Variants in DDX51 observed in about 807,000 individuals in gnomAD.
DDX51 encodes DEAD-box helicase 51, also known as ATP-dependent RNA helicase DDX51.
A neutral mutation model predicts 74.6 loss-of-function variants in DDX51; 67 were observed. The observed-to-expected ratio is 0.90, with a 90% CI of 0.74 to 1.10. DDX51 has a LOEUF of 1.10. Ranked by LOEUF, DDX51 falls within the 50% of genes least tolerant of loss-of-function variation. DDX51 has a pLI of 0.00. For synonymous variants in DDX51, 545 were observed against 402.9 expected (o/e 1.35, Z -4.22); for missense variants, 1,056 against 905.2 (o/e 1.17, Z -2.14).
chr12:132,139,700 T>C lies in DDX51; in HGVS notation c.1909A>G (p.Lys637Glu). 6.2e-7 allele frequency: 1 copy of C among 1,613,020 alleles called. No individual in the cohort carries two copies. The highest frequency in any genetic ancestry group is 8.5e-7 in the Non-Finnish European group (1 of 1,180,010). ...PELQRHELSS[K>E]LLQPLVPRYE... is the part of the protein sequence containing the mutation. ...CGAGGAACCAGCGGCTGCAGCAGCTTGCTGGAGAGCTCGTGCCGCTGCAAC... is the reference window on the plus strand; with the variant it reads ...CGAGGAACCAGCGGCTGCAGCAGCTCGCTGGAGAGCTCGTGCCGCTGCAAC... The change falls in exon 14 of 15, where the codon AAG (lysine) becomes GAG (glutamate). Residue 637 changes from lysine (K) to glutamate (E), a missense_variant. Coordinates refer to ENST00000397333, the MANE Select transcript of DDX51 (RefSeq NM_175066.4).
At position 132,140,470 on chromosome 12, in the gene DDX51, G is replaced by T. The variant is rs761546704; in HGVS notation, c.1626C>A (p.Gly542=). The change falls in exon 11 of 15, where the codon GGC becomes GGA. Residue 542 remains glycine, a synonymous_variant. Coordinates refer to ENST00000397333, the MANE Select transcript of DDX51 (RefSeq NM_175066.4). ...ACTGCTTCAGGATCATCCTCCTCTG[G>T]CCAGGCCCGTAGCGCGAGGAGAACT... The part of the protein sequence containing the change: ...VAEFSSRYGP[G]QRRMILKQFE... The T allele has an allele frequency of 1.9e-6, 3 of 1,613,132 alleles. No individual in the cohort carries two copies. The highest frequency in any genetic ancestry group is 1.3e-5 in the African/African-American group (1 of 74,928).
Position 132,142,194 on chromosome 12 carries a change from A to T in DDX51, c.817-4T>A. The T allele has an allele frequency of 5.7e-6, 9 of 1,571,122 alleles. No individual in the cohort carries two copies. The highest frequency in any genetic ancestry group is 7.8e-6 in the Non-Finnish European group (9 of 1,156,834). On this transcript the variant is annotated splice_polypyrimidine_tract_variant and splice_region_variant and intron_variant, in intron 4 of 14. Coordinates refer to ENST00000397333, the MANE Select transcript of DDX51 (RefSeq NM_175066.4). The stretch of plus-strand genomic sequence containing the variant: ...AGACCACTCTCGAAAGCAGGGCCTG[A>T]GGGGGAAGGAGCGCCTGCGTCAGCA...
In DDX51 at chr12:132,144,061, G is replaced by C. The variant is rs1389401661; in HGVS notation, c.236C>G (p.Ala79Gly). The change falls in exon 1 of 15, where the codon GCG becomes GGG. Residue 79 changes from alanine (A) to glycine (G), a missense_variant. Coordinates refer to ENST00000397333, the MANE Select transcript of DDX51 (RefSeq NM_175066.4). ...RPRRRRRVNDAEPGSPEAPQG... is the reference protein window; with the variant it reads ...RPRRRRRVNDGEPGSPEAPQG... ...CGGCGCCTCCGGGCTCCCCGGCTCC[G>C]CGTCGTTCACCCGCCGCCGCCGCCG... 1 of 1,270,846 alleles carries C rather than the reference G, an allele frequency of 7.9e-7. No individual in the cohort carries two copies. The highest frequency in any genetic ancestry group is 1.6e-5 in the African/African-American group (1 of 64,214). 78.7% of individuals were successfully genotyped at this position (1,270,846 alleles called of 1,614,324 possible). A position where few individuals can be genotyped will look rare whatever the true frequency, so the allele number is the denominator to read the frequency against.
Position 132,140,201 on chromosome 12 carries a change from T to C in DDX51, c.1674-2A>G. 6.2e-7 allele frequency: 1 copy of C among 1,611,382 alleles called. No homozygotes were observed. The highest frequency in any genetic ancestry group is 1.3e-5 in the African/African-American group (1 of 75,008). ...GCGGTGGCGTCCGTGCTGATGAGCC[T>C]GCCGGGACACGCAGCATTGTGGGCC... On this transcript the variant is annotated splice_acceptor_variant, in intron 11 of 14. Transcript: ENST00000397333. LOFTEE classifies it high-confidence loss of function.
Position 132,139,279 on chromosome 12 carries a change from G to A in DDX51, c.1994C>T (p.Ala665Val), listed in dbSNP as rs768478997. 52 of 1,608,256 alleles carry A rather than the reference G, an allele frequency of 3.2e-5. No individual in the cohort carries two copies. The highest frequency in any genetic ancestry group is 2.0e-4 in the East Asian group (9 of 44,728). ...GGCCCTCTGAGCCCCAGCCTAGGCC[G>A]CCCTCTGCTTGCGCTCTTCCTGTGG... ...ESVKEERKQR[A>V]A The change falls in exon 15 of 15, where the codon GCG becomes GTG. Residue 665 changes from alanine (A) to valine (V), a missense_variant. Physicochemically the swap from Ala to Val is moderately conservative, Grantham distance 64. Coordinates refer to ENST00000397333, the MANE Select transcript of DDX51 (RefSeq NM_175066.4).
chr12:132,136,996 G>A lies in DDX51; in HGVS notation c.*2276C>T, dbSNP rs1383483154. The stretch of plus-strand genomic sequence containing the variant: ...GTTTTTACAAATGGGCTAGTGACGA[G>A]GGGTTAGAGGAGGGATGTCTTGTCC... On this transcript the variant is annotated 3_prime_UTR_variant, in exon 15 of 15. Transcript: ENST00000397333. 1 of 152,254 alleles carries A rather than the reference G, an allele frequency of 6.6e-6. No individual in the cohort carries two copies. Among genetic ancestry groups the A allele is most frequent in the African/African-American group, 2.4e-5 (1 of 41,436 alleles). The allele number at this position is 152,254 out of a possible 1,614,324, so 9.4% of individuals were successfully genotyped here.
At position 132,138,186 on chromosome 12, in the gene DDX51, AG is replaced by A. The variant is rs1897321205; in HGVS notation, c.*1085del. The A allele has an allele frequency of 6.6e-6, 1 of 152,344 alleles. No homozygotes were observed. Among genetic ancestry groups the A allele is most frequent in the South Asian group, 2.1e-4 (1 of 4,838 alleles). 9.4% of individuals were successfully genotyped at this position (152,344 alleles called of 1,614,324 possible). A position where few individuals can be genotyped will look rare whatever the true frequency, so the allele number is the denominator to read the frequency against. ...CTGGGGTGTACAAGGTGCATAGGAG[AG>A]GAAGTGCTGGGTCATGAGTGACTCT... On this transcript the variant is annotated 3_prime_UTR_variant, in exon 15 of 15. Transcript: ENST00000397333.
Position 132,140,726 on chromosome 12 carries a change from CGTA to C in DDX51, c.1447_1449del (p.Tyr483del), listed in dbSNP as rs1170895317. The C allele has an allele frequency of 6.2e-7, 1 of 1,612,922 alleles. No individual in the cohort carries two copies. Among genetic ancestry groups the C allele is most frequent in the Non-Finnish European group, 8.5e-7 (1 of 1,180,016 alleles). On this transcript the variant is annotated inframe_deletion, in exon 10 of 15. Coordinates refer to ENST00000397333, the MANE Select transcript of DDX51 (RefSeq NM_175066.4). ...GGCTTAGAGCTGAGGCTGCAGGGCACGTAGTGGTGCTACAGGGACGGCAGGGGG... is the reference window on the plus strand; with the variant it reads ...GGCTTAGAGCTGAGGCTGCAGGGCACGTGGTGCTACAGGGACGGCAGGGGG...
At position 132,142,862 on chromosome 12, in the gene DDX51, G is replaced by A; in HGVS notation, c.536C>T (p.Pro179Leu). Residue 179 changes from proline (P) to leucine (L), a missense_variant, in exon 3 of 15, where the codon CCA (proline) becomes CTA (leucine). Transcript: ENST00000397333. ...ACAGTTAGGCTCAGCCAGCCACCTT[G>A]GCAGGAAAGGCTGGACCTGCCATCA... ...RKAPKVQPFL[P>L]RWLAEPNCVR... 1 of 1,612,788 alleles carries A rather than the reference G, an allele frequency of 6.2e-7. No individual in the cohort carries two copies. The highest frequency in any genetic ancestry group is 2.2e-5 in the East Asian group (1 of 44,874).
intron 13 of DDX51, 42 bp from the exon 14 acceptor site, chr12:132,139,811 C>A: frequency 1.2e-6 from 2 of 1,612,716 alleles, no homozygotes; most frequent in Non-Finnish European, 1.7e-6. Flanking sequence ...TTGGGCCAGC[C>A]CCTTAACACC....
At chr12:132,143,571 A>C in intron 2 of DDX51, 124 bp downstream of exon 2, 1 of 1,298,270 alleles carries the variant, frequency 7.7e-7, no homozygotes, top group Non-Finnish European at 1.1e-6. Flanking sequence ...CAGACCTGGC[A>C]GCGAGGCGCG....
In DDX51 at chr12:132,139,705, G is replaced by C. The variant is rs370895945; in HGVS notation, c.1904C>G (p.Ser635Cys). The C allele has an allele frequency of 1.2e-6, 2 of 1,612,920 alleles. No homozygotes were observed. The highest frequency in any genetic ancestry group is 1.6e-4 in the Middle Eastern group (1 of 6,084). Residue 635 changes from serine to cysteine, a missense_variant, in exon 14 of 15, where the codon TCC (serine) becomes TGC (cysteine). Physicochemically the swap from Ser to Cys is moderately radical, Grantham distance 112. Transcript: ENST00000397333. ...GAPELQRHEL[S>C]SKLLQPLVPR... ...AACCAGCGGCTGCAGCAGCTTGCTG[G>C]AGAGCTCGTGCCGCTGCAACTCAGG...
chr12:132,140,348 T>G, intron 11 of DDX51, 75 bp downstream of exon 11: 2 of 1,586,664 alleles, frequency 1.3e-6, no homozygotes, highest in Non-Finnish European at 1.7e-6. Flanking sequence ...GGAAGCACCT[T>G]TTAGAGAGCC....
In DDX51 at chr12:132,139,272, C is replaced by T. The variant is rs1254084490; in HGVS notation, c.2001G>A (p.Ter667=). 6.2e-7 allele frequency: 1 copy of T among 1,608,540 alleles called. No individual in the cohort carries two copies. Among genetic ancestry groups the T allele is most frequent in the South Asian group, 1.1e-5 (1 of 90,302 alleles). Residue 667 remains the stop codon, a stop_retained_variant, in exon 15 of 15, where the codon TAG becomes TAA. Coordinates refer to ENST00000397333, the MANE Select transcript of DDX51 (RefSeq NM_175066.4). The stretch of plus-strand genomic sequence containing the variant: ...TCCCTCCGGCCCTCTGAGCCCCAGC[C>T]TAGGCCGCCCTCTGCTTGCGCTCTT... The part of the protein sequence containing the change: ...VKEERKQRAA[*]
chr12:132,139,815 T>C, intron 13 of DDX51, 46 bp from the exon 14 acceptor site: 1 of 1,612,828 alleles, frequency 6.2e-7, no homozygotes, highest in Non-Finnish European at 8.5e-7. Flanking sequence ...GCCAGCCCCT[T>C]AACACCCACC....
chr12:132,140,427 G>A lies in DDX51; in HGVS notation c.1669C>T (p.Gln557Ter), dbSNP rs1327659014. ...TGCCCCTGCCCAGGAACTCACAGCTGGATCTTCCCCTGTTCAAACTGCTTC... is the reference window on the plus strand; with the variant it reads ...TGCCCCTGCCCAGGAACTCACAGCTAGATCTTCCCCTGTTCAAACTGCTTC... ...ILKQFEQGKI[Q>*]LLISTDATAR... Residue 557 changes from glutamine (Q) to a stop codon, truncating the protein, a stop_gained, in exon 11 of 15, where the codon CAG becomes TAG. Coordinates refer to ENST00000397333, the MANE Select transcript of DDX51 (RefSeq NM_175066.4). LOFTEE classifies it high-confidence loss of function. 1 of 1,613,202 alleles carries A rather than the reference G, an allele frequency of 6.2e-7. No individual in the cohort carries two copies. Among genetic ancestry groups the A allele is most frequent in the East Asian group, 2.2e-5 (1 of 44,890 alleles).
chr12:132,142,806 G>A lies in DDX51; in HGVS notation c.592C>T (p.Pro198Ser), dbSNP rs1013137178. 3 of 1,612,994 alleles carry A rather than the reference G, an allele frequency of 1.9e-6. No individual in the cohort carries two copies. The highest frequency in any genetic ancestry group is 3.3e-5 in the Admixed American group (2 of 60,012). Residue 198 changes from proline to serine, a missense_variant, in exon 3 of 15, where the codon CCT becomes TCT. Pro to Ser is a moderately conservative substitution (Grantham distance 74). Coordinates refer to ENST00000397333, the MANE Select transcript of DDX51 (RefSeq NM_175066.4). ...TGGACGTCAGGGATGTCCTCGATAGGAACCAGGTCTTCGGTGACATTCCTT... is the reference window on the plus strand; with the variant it reads ...TGGACGTCAGGGATGTCCTCGATAGAAACCAGGTCTTCGGTGACATTCCTT... ...VRRNVTEDLV[P>S]IEDIPDVHPD...
intron 6 of DDX51, 77 bp downstream of exon 6, chr12:132,141,773 T>C: frequency 6.5e-7 from 1 of 1,538,310 alleles, no homozygotes; most frequent in South Asian, 1.1e-5. Flanking sequence ...GCCCCTCCTC[T>C]GCTCCCACGG....
intron 12 of DDX51, 30 bp from the exon 13 acceptor site, chr12:132,139,954 G>A: frequency 5.6e-6 from 9 of 1,612,638 alleles, no homozygotes; most frequent in South Asian, 1.1e-5. Flanking sequence ...TCTCCAGACT[G>A]GCCCCTGAGC....
Sources: allele counts gnomAD v4.1 joint callset, GRCh38; gene constraint gnomAD v4.1.1; transcripts MANE v1.5; gene names NCBI Gene and HGNC (gene_info 2026-07-23, HGNC 2026-07-21).